TRDN: variants seen among roughly 807,000 people sequenced by gnomAD.
The protein encoded by TRDN is triadin in skeletal muscle.
TRDN carries 161 observed loss-of-function variants against 149.7 expected under a neutral mutation model. The ratio of observed to expected loss-of-function variants is 1.08; its 90% confidence interval spans 0.95 to 1.23. The LOEUF (loss-of-function observed/expected upper bound fraction) is 1.23. TRDN is among the 50% of genes most tolerant of loss of function. The probability of loss-of-function intolerance (pLI) is 0.00; values close to 1 mark genes in which losing one functional copy is unlikely to be tolerated. For missense variants in TRDN, 896 were observed against 823.5 expected (o/e 1.09, Z -1.08); for synonymous variants, 294 against 250.5 (o/e 1.17, Z -1.64).
At chr6:123,351,817 T>C (rs1477550596) in intron 21 of TRDN, 1 of 933,428 alleles carries the variant, frequency 1.1e-6, no homozygotes, top group Non-Finnish European at 1.3e-6. Context: ...TATTATTATA[T>C]AAGAGCAATG....
At chr6:123,319,480 T>C (rs2114704864) in intron 23 of TRDN, among the ~76,000 whole-genome samples, 1 of 152,166 alleles carries the variant, frequency 6.6e-6, no homozygotes, top group South Asian at 2.1e-4. Context: ...TTTACATATG[T>C]GTGTATATAT....
intron 1 of TRDN, among the ~76,000 whole-genome samples, chr6:123,609,626 C>A (rs1337709338): frequency 6.6e-6 from 1 of 152,108 alleles, no homozygotes; most frequent in African/African-American, 2.4e-5. Flanking sequence ...GAATTAATCA[C>A]TTCTCTCTTT....
chr6:123,253,278 G>A (rs1486432860), intron 37 of TRDN, among the ~76,000 whole-genome samples: 2 of 151,926 alleles, frequency 1.3e-5, no homozygotes, highest in Non-Finnish European at 1.5e-5. Flanking sequence ...ACTAGTAACA[G>A]TTCCATTCTA....
At chr6:123,547,318 A>C in intron 4 of TRDN, 22 bp downstream of exon 4, 1 of 1,392,626 alleles carries the variant, frequency 7.2e-7, no homozygotes, top group Non-Finnish European at 9.6e-7. Flanking sequence ...AATAATTATT[A>C]TCAAAGGTGA....
At chr6:123,512,526 C>T (rs1779232726) in intron 6 of TRDN, among the ~76,000 whole-genome samples, 164 bp from the exon 7 acceptor site, 1 of 152,040 alleles carries the variant, frequency 6.6e-6, no homozygotes. Flanking sequence ...AGTGTAATAA[C>T]AGTTGTATTG....
chr6:123,621,732 C>T (rs1171581327), intron 1 of TRDN, among the ~76,000 whole-genome samples: 1 of 152,032 alleles, frequency 6.6e-6, no homozygotes, highest in Non-Finnish European at 1.5e-5. Context: ...TGTTGTTTAT[C>T]GATGTTGAGG....
chr6:123,620,628 CAG>C (rs1177758484), intron 1 of TRDN, among the ~76,000 whole-genome samples: 3 of 152,018 alleles, frequency 2.0e-5, no homozygotes, highest in Non-Finnish European at 4.4e-5. Flanking sequence ...CACACTGAGG[CAG>C]AGTTAGGCTT....
At chr6:123,455,277 T>C (rs1776041831) in intron 10 of TRDN, among the ~76,000 whole-genome samples, 1 of 152,162 alleles carries the variant, frequency 6.6e-6, no homozygotes, top group African/African-American at 2.4e-5. Context: ...TCCCAAACCT[T>C]TTGAAAATGA....
chr6:123,474,269 CA>C (rs1001416808), intron 9 of TRDN, among the ~76,000 whole-genome samples: 20 of 151,488 alleles, frequency 1.3e-4, no homozygotes, highest in African/African-American at 4.4e-4. Flanking sequence ...AAATGGAAAA[CA>C]AAAAAAGGCA....
At chr6:123,240,242 G>T (rs1775941109) in intron 38 of TRDN, among the ~76,000 whole-genome samples, 1 of 151,638 alleles carries the variant, frequency 6.6e-6, no homozygotes, top group Non-Finnish European at 1.5e-5. Flanking sequence ...ACATAATAAA[G>T]TATTTTTAAA....
At chr6:123,224,281 C>A (rs1582739250) in intron 38 of TRDN, 150 bp from the exon 39 acceptor site, 3 of 660,488 alleles carry the variant, frequency 4.5e-6, no homozygotes, top group South Asian at 1.9e-5. Context: ...GCTGTCTGAC[C>A]AAAACAGGCA....
At chr6:123,227,196 C>A (rs1412437238) in intron 38 of TRDN, among the ~76,000 whole-genome samples, 1 of 151,738 alleles carries the variant, frequency 6.6e-6, no homozygotes, top group East Asian at 1.9e-4. Flanking sequence ...GCAGAGAATG[C>A]AATTTGGCAA....
At chr6:123,300,823 G>C (rs557105908) in intron 24 of TRDN, among the ~76,000 whole-genome samples, 1 of 151,976 alleles carries the variant, frequency 6.6e-6, no homozygotes, top group African/African-American at 2.4e-5. Flanking sequence ...TAAAATATTA[G>C]ATATTTAGTT....
chr6:123,517,383 T>C (rs1021041489), intron 5 of TRDN, among the ~76,000 whole-genome samples: 1 of 152,154 alleles, frequency 6.6e-6, no homozygotes, highest in Non-Finnish European at 1.5e-5. Context: ...ACTTCTCTTT[T>C]GAACCTTTAG....
chr6:123,522,607 C>T (rs1779745189), intron 5 of TRDN, among the ~76,000 whole-genome samples: 1 of 124,736 alleles, frequency 8.0e-6, no homozygotes, highest in Non-Finnish European at 1.6e-5. Context: ...TGGGTGTTTT[C>T]AGATTACATA....
intron 12 of TRDN, among the ~76,000 whole-genome samples, chr6:123,436,859 A>T (rs943678547): frequency 3.3e-5 from 5 of 152,122 alleles, no homozygotes; most frequent in African/African-American, 1.2e-4. Flanking sequence ...CATATACACA[A>T]GCCCTAGAAG....
intron 4 of TRDN, among the ~76,000 whole-genome samples, chr6:123,537,855 T>C (rs1314715948): frequency 6.6e-6 from 1 of 152,256 alleles, no homozygotes; most frequent in Non-Finnish European, 1.5e-5. Flanking sequence ...TACATGTGTT[T>C]TGCTTATGAT....
At chr6:123,611,952 T>C (rs1381446198) in intron 1 of TRDN, among the ~76,000 whole-genome samples, 4 of 152,036 alleles carry the variant, frequency 2.6e-5, no homozygotes, top group Non-Finnish European at 5.9e-5. Context: ...AGTCTGGAAA[T>C]AATATACAGC....
Position 123,570,995 on chromosome 6 carries a change from T to A in TRDN, c.160A>T (p.Ile54Phe). 1.2e-6 allele frequency: 2 copies of A among 1,614,014 alleles called. No homozygotes were observed. Among genetic ancestry groups the A allele is most frequent in the Non-Finnish European group, 1.7e-6 (2 of 1,179,884 alleles). The change falls in exon 2 of 41, where the codon ATT becomes TTT. Residue 54 changes from isoleucine to phenylalanine, a missense_variant. Transcript: ENST00000334268. Reference protein sequence around the residue: ...FSSPAAWLLVIALIITWSAVA... With the variant: ...FSSPAAWLLVFALIITWSAVA... The stretch of plus-strand genomic sequence containing the variant: ...GCTGACCACGTGATTATCAGGGCAA[T>A]GACCAGAAGCCAGGCTGCAGGGGAG...
Sources: allele counts gnomAD v4.1 joint callset (sites outside exome capture counted in the v4.1 genomes callset), GRCh38; gene constraint gnomAD v4.1.1; transcripts MANE v1.5; gene names NCBI Gene and HGNC (gene_info 2026-07-23, HGNC 2026-07-21).